L3MBTL4: variants seen among roughly 807,000 people sequenced by gnomAD.
L3MBTL4 encodes L3MBTL histone methyl-lysine binding protein 4.
A neutral mutation model predicts 84.5 loss-of-function variants in L3MBTL4; 70 were observed. That is an observed-to-expected ratio of 0.83 (90% CI 0.68 to 1.01). The LOEUF is 1.01. Among genes scored for constraint, L3MBTL4 ranks in the 50% least tolerant of loss-of-function variants. The pLI, the probability that L3MBTL4 is intolerant of heterozygous loss-of-function variation, is 0.00. For synonymous variants in L3MBTL4, 274 were observed against 259.8 expected, an observed-to-expected ratio of 1.05 and a Z score of -0.52; for missense variants, 715 against 754.8, an observed-to-expected ratio of 0.95 and a Z score of 0.62.
intron 4 of L3MBTL4, among the ~76,000 whole-genome samples, chr18:6,284,458 G>A (rs890755263): frequency 5.3e-5 from 8 of 152,174 alleles, no homozygotes; most frequent in African/African-American, 1.9e-4. Flanking sequence ...CAAGCAAAAG[G>A]GCCGGGAGGA....
intron 1 of L3MBTL4, among the ~76,000 whole-genome samples, chr18:6,358,162 T>C (rs1012565672): frequency 6.6e-6 from 1 of 152,260 alleles, no homozygotes; most frequent in Non-Finnish European, 1.5e-5. Context: ...AATCAGTGGA[T>C]GAGACTATCC....
intron 12 of L3MBTL4, among the ~76,000 whole-genome samples, chr18:6,197,099 C>CT (rs999161256): frequency 2.0e-5 from 3 of 152,150 alleles, no homozygotes; most frequent in African/African-American, 4.8e-5. Flanking sequence ...TTCAACTATT[C>CT]TTTTTTTAAA....
chr18:5,972,818 C>T (rs911582122), intron 16 of L3MBTL4, among the ~76,000 whole-genome samples: 3 of 151,454 alleles, frequency 2.0e-5, no homozygotes, highest in Non-Finnish European at 4.4e-5. Flanking sequence ...GGTTTTCTAA[C>T]TCTAAAATGG....
chr18:6,038,218 A>T (rs1158594416), intron 16 of L3MBTL4, among the ~76,000 whole-genome samples: 1 of 151,302 alleles, frequency 6.6e-6, no homozygotes. Context: ...CCAGAAAAAA[A>T]TTCTAGAGGA....
chr18:6,185,995 T>C (rs2044734078), intron 12 of L3MBTL4, among the ~76,000 whole-genome samples: 1 of 145,118 alleles, frequency 6.9e-6, no homozygotes, highest in Admixed American at 6.7e-5. Context: ...TTTTATTTTA[T>C]TATTTTATAT....
chr18:6,366,865 G>T lies in L3MBTL4; in HGVS notation c.-91+47936C>A, dbSNP rs565675075. ...AAATGAGTGCTTTAAAAGGAAATTC[G>T]TGAATGTATTGTATACCTACAGGAA... On this transcript the variant is annotated intron_variant, in intron 1 of 18. Transcript: ENST00000317931. 1.2e-4 allele frequency among the ~76,000 whole-genome samples: 18 copies of T among 152,324 alleles called. 1 individual carries two copies. The highest frequency in any genetic ancestry group is 4.3e-4 in the African/African-American group (18 of 41,576).
intron 16 of L3MBTL4, among the ~76,000 whole-genome samples, chr18:6,056,941 A>G (rs1485212798): frequency 2.0e-5 from 3 of 152,190 alleles, no homozygotes; most frequent in Non-Finnish European, 2.9e-5. Flanking sequence ...AGATGAACAT[A>G]TTGTTATTAT....
At chr18:6,280,733 C>G (rs2049284988) in intron 4 of L3MBTL4, among the ~76,000 whole-genome samples, 1 of 152,110 alleles carries the variant, frequency 6.6e-6, no homozygotes, top group African/African-American at 2.4e-5. Flanking sequence ...AGTGTAATCA[C>G]AGGAGTCCTC....
chr18:6,158,784 G>C (rs935126901), intron 13 of L3MBTL4, among the ~76,000 whole-genome samples: 2 of 152,206 alleles, frequency 1.3e-5, no homozygotes, highest in Middle Eastern at 3.2e-3. Flanking sequence ...AGCACAGCCT[G>C]TGTGGTACAT....
intron 1 of L3MBTL4, among the ~76,000 whole-genome samples, chr18:6,324,668 C>A (rs2051620104): frequency 6.6e-6 from 1 of 152,138 alleles, no homozygotes; most frequent in African/African-American, 2.4e-5. Flanking sequence ...TTAGAGTGGG[C>A]CCCCAGAGCA....
At chr18:6,111,660 G>A (rs982056241) in intron 14 of L3MBTL4, among the ~76,000 whole-genome samples, 3 of 152,102 alleles carry the variant, frequency 2.0e-5, no homozygotes, top group African/African-American at 7.2e-5. Context: ...CTGAGCATCT[G>A]CCCTTCTCTT....
intron 5 of L3MBTL4, among the ~76,000 whole-genome samples, chr18:6,247,640 G>A (rs893356969): frequency 7.5e-5 from 11 of 147,014 alleles, no homozygotes; most frequent in East Asian, 3.9e-4. Flanking sequence ...CACCATGCCC[G>A]GCTAATTTTT....
Position 6,339,097 on chromosome 18 carries a change from C to T in L3MBTL4, c.-90-27041G>A, listed in dbSNP as rs528032221. Among the ~76,000 whole-genome samples, 942 of 152,198 alleles carry T rather than the reference C, an allele frequency of 6.2e-3. 11 individuals are homozygous for T. The highest frequency in any genetic ancestry group is 0.022 in the African/African-American group (911 of 41,522). ...TCAATAGCTTATAAAACAACCAGAT[C>T]CGCCCCTTCCGCCGACCCAAACATC... is the stretch of plus-strand genomic sequence containing the variant. On this transcript the variant is annotated intron_variant, in intron 1 of 18. Coordinates refer to ENST00000317931, the MANE Select transcript of L3MBTL4 (RefSeq NM_001330559.2).
At chr18:6,386,743 G>A (rs976152209) in intron 1 of L3MBTL4, among the ~76,000 whole-genome samples, 3 of 152,310 alleles carry the variant, frequency 2.0e-5, no homozygotes, top group Non-Finnish European at 4.4e-5. Flanking sequence ...CAAGGAGACA[G>A]AGCAGGGTGC....
chr18:6,193,643 CG>C (rs2045235143), intron 12 of L3MBTL4, among the ~76,000 whole-genome samples: 1 of 152,114 alleles, frequency 6.6e-6, no homozygotes, highest in Admixed American at 6.5e-5. Context: ...GACATCACTG[CG>C]GATAAAGGGC....
intron 1 of L3MBTL4, among the ~76,000 whole-genome samples, chr18:6,412,703 G>C (rs62079211): frequency 6.6e-6 from 1 of 151,946 alleles, no homozygotes; most frequent in Non-Finnish European, 1.5e-5. Flanking sequence ...ACGAGTATTT[G>C]TTGAGCATGC....
At chr18:6,172,001 A>G (rs2043997502) in intron 12 of L3MBTL4, 59 bp from the exon 13 acceptor site, 1 of 801,348 alleles carries the variant, frequency 1.2e-6, no homozygotes. Flanking sequence ...CTATTCCTGT[A>G]TCAAAATATT....
At chr18:6,289,631 C>T (rs1014282578) in intron 4 of L3MBTL4, among the ~76,000 whole-genome samples, 3 of 152,190 alleles carry the variant, frequency 2.0e-5, no homozygotes, top group Admixed American at 6.5e-5. Context: ...ATAGGTCAGA[C>T]ATCACTGCCT....
intron 14 of L3MBTL4, among the ~76,000 whole-genome samples, chr18:6,097,000 T>A (rs1449168864): frequency 1.3e-5 from 2 of 152,200 alleles, no homozygotes; most frequent in Admixed American, 1.3e-4. Flanking sequence ...CATTCCTCCT[T>A]AATTCACAGA....
Sources: allele counts gnomAD v4.1 joint callset (sites outside exome capture counted in the v4.1 genomes callset), GRCh38; gene constraint gnomAD v4.1.1; transcripts MANE v1.5; gene names NCBI Gene and HGNC (gene_info 2026-07-23, HGNC 2026-07-21).